The following SLC8A1 variants were observed in gnomAD, a reference collection of about 807,000 sequenced individuals.
The protein encoded by SLC8A1 is solute carrier family 8 member A1.
SLC8A1 carries 18 observed loss-of-function variants against 68.3 expected under a neutral mutation model. The ratio of observed to expected loss-of-function variants is 0.26; its 90% CI spans 0.18 to 0.39. The LOEUF (loss-of-function observed/expected upper bound fraction) is 0.39. SLC8A1 is among the 10% of genes least tolerant of loss of function. SLC8A1 has a pLI of 1.00. For missense variants in SLC8A1, 985 were observed against 1,156.7 expected (o/e 0.85, Z 2.15); for synonymous variants, 475 against 415.5 (o/e 1.14, Z -1.74).
intron 2 of SLC8A1, among the ~76,000 whole-genome samples, chr2:40,222,471 G>A (rs1354680197): frequency 6.6e-6 from 1 of 152,160 alleles, no homozygotes; most frequent in Non-Finnish European, 1.5e-5. Context: ...CATGGGCAAA[G>A]ACTTCATGAC....
intron 2 of SLC8A1, among the ~76,000 whole-genome samples, chr2:40,214,735 G>A (rs2057188638): frequency 6.6e-6 from 1 of 152,064 alleles, no homozygotes; most frequent in African/African-American, 2.4e-5. Context: ...ACTGCATCCG[G>A]CCTGTTTGTT....
At chr2:40,165,794 T>C (rs2046451107) in intron 4 of SLC8A1, among the ~76,000 whole-genome samples, 1 of 152,162 alleles carries the variant, frequency 6.6e-6, no homozygotes, top group Non-Finnish European at 1.5e-5. Flanking sequence ...AGCCCATTAA[T>C]GAGGGGAAGC....
intron 2 of SLC8A1, among the ~76,000 whole-genome samples, chr2:40,235,656 T>C (rs1479226054): frequency 4.6e-5 from 7 of 152,064 alleles, no homozygotes; most frequent in African/African-American, 9.7e-5. Flanking sequence ...TGAATGTGTT[T>C]GCTCTTGCTT....
chr2:40,401,095 T>C (rs1424955349), intron 2 of SLC8A1, among the ~76,000 whole-genome samples: 1 of 152,200 alleles, frequency 6.6e-6, no homozygotes, highest in Non-Finnish European at 1.5e-5. Context: ...TATTTTCCAG[T>C]TGCAGAAATC....
intron 2 of SLC8A1, among the ~76,000 whole-genome samples, chr2:40,348,615 G>A (rs763370516): frequency 6.6e-6 from 1 of 152,150 alleles, no homozygotes; most frequent in Admixed American, 6.5e-5. Flanking sequence ...GCTGAGCCAG[G>A]GTTGGCTGTG....
intron 2 of SLC8A1, among the ~76,000 whole-genome samples, chr2:40,204,532 T>C (rs1334816748): frequency 2.0e-5 from 3 of 151,916 alleles, no homozygotes; most frequent in Non-Finnish European, 4.4e-5. Context: ...GCTAATTAAA[T>C]TTACAAAGCC....
At chr2:40,359,038 T>C (rs906671432) in intron 2 of SLC8A1, among the ~76,000 whole-genome samples, 17 of 151,732 alleles carry the variant, frequency 1.1e-4, no homozygotes, top group African/African-American at 4.1e-4. Flanking sequence ...AACACGGTGA[T>C]TGGAGGAATG....
chr2:40,378,167 C>A lies in SLC8A1; in HGVS notation c.1808+50306G>T, dbSNP rs570376039. ...AAAGGGAAATAAGAAATAAGAAAAA[C>A]CACTGAAATGCCTAGTATATTTCAT... On this transcript the variant is annotated intron_variant, in intron 2 of 7. Coordinates refer to ENST00000406785, the Ensembl canonical transcript of SLC8A1. Among the ~76,000 whole-genome samples, 4 of 152,110 alleles carry A rather than the reference C, an allele frequency of 2.6e-5. No homozygotes were observed. In the East Asian group the frequency reaches 5.8e-4, roughly 22 times the overall value.
intron 5 of SLC8A1, among the ~76,000 whole-genome samples, chr2:40,164,468 T>A (rs1480013656): frequency 1.3e-5 from 2 of 152,326 alleles, no homozygotes; most frequent in East Asian, 3.9e-4. Context: ...TTTTCAGCAG[T>A]GTGAATGCCT....
chr2:40,454,038 A>C (rs527754890), upstream of SLC8A1, among the ~76,000 whole-genome samples: 13 of 152,336 alleles, frequency 8.5e-5, no homozygotes, highest in South Asian at 1.2e-3. Flanking sequence ...TAGTGGATAT[A>C]AACAGAATGA....
intron 1 of SLC8A1, among the ~76,000 whole-genome samples, chr2:40,438,219 C>T (rs975077880): frequency 6.6e-6 from 1 of 152,104 alleles, no homozygotes; most frequent in Admixed American, 6.6e-5. Flanking sequence ...TAATTGTTCA[C>T]CACTAACCCT....
At chr2:40,127,619 G>A (rs2110926) in intron 7 of SLC8A1, among the ~76,000 whole-genome samples, 56,609 of 151,968 alleles carry the variant, frequency 0.37, 11,513 homozygotes, top group Middle Eastern at 0.49. Flanking sequence ...GTGGACCCCA[G>A]TGGGGGTCAT....
chr2:40,329,544 A>G lies in SLC8A1; in HGVS notation c.1808+98929T>C, dbSNP rs1410346689. On this transcript the variant is annotated intron_variant, in intron 2 of 7. Coordinates refer to ENST00000406785, the Ensembl canonical transcript of SLC8A1. ...TCCTCATTCACAGATGTGAGGAAGA[A>G]TAAGAGATGGAAAGAGAAAAGGATT... Among the ~76,000 whole-genome samples, 4 of 152,360 alleles carry G rather than the reference A, an allele frequency of 2.6e-5. No homozygotes were observed. The East Asian group carries it at 5.8e-4, about 22-fold the overall frequency.
At chr2:40,316,055 T>G (rs551151901) in intron 2 of SLC8A1, among the ~76,000 whole-genome samples, 2 of 152,092 alleles carry the variant, frequency 1.3e-5, no homozygotes, top group African/African-American at 2.4e-5. Context: ...GAAAGTCTTT[T>G]GTTCCCCAAG....
chr2:40,457,062 C>T (rs1383842990), upstream of SLC8A1, among the ~76,000 whole-genome samples: 4 of 152,140 alleles, frequency 2.6e-5, no homozygotes, highest in Admixed American at 2.6e-4. Flanking sequence ...TTGATCTTAT[C>T]TCTATTATAA....
intron 1 of SLC8A1, among the ~76,000 whole-genome samples, chr2:40,449,772 A>G (rs1249166938): frequency 4.6e-5 from 7 of 152,232 alleles, no homozygotes; most frequent in East Asian, 1.9e-4. Flanking sequence ...TCAAGACAGT[A>G]AAGTCTGATT....
intron 2 of SLC8A1, among the ~76,000 whole-genome samples, chr2:40,311,463 T>C (rs1048265126): frequency 6.6e-6 from 1 of 152,086 alleles, no homozygotes; most frequent in African/African-American, 2.4e-5. Flanking sequence ...TCGAAGGCAT[T>C]AATATGGCGG....
intron 4 of SLC8A1, chr2:40,170,340 A>G (rs762854301): frequency 6.2e-6 from 10 of 1,613,964 alleles, no homozygotes; most frequent in Non-Finnish European, 7.6e-6. Context: ...CTTCCTGAAG[A>G]CAGGTTGGCC....
intron 1 of SLC8A1, among the ~76,000 whole-genome samples, chr2:40,440,877 G>C (rs1026968555): frequency 6.6e-6 from 1 of 152,130 alleles, no homozygotes; most frequent in Non-Finnish European, 1.5e-5. Flanking sequence ...ACAAGACAAG[G>C]ATGCCCTCTC....
Sources: allele counts gnomAD v4.1 joint callset (sites outside exome capture counted in the v4.1 genomes callset), GRCh38; gene constraint gnomAD v4.1.1; transcripts MANE v1.5; gene names NCBI Gene and HGNC (gene_info 2026-07-23, HGNC 2026-07-21).